Variants in HMCN2 observed in about 807,000 individuals in gnomAD.
The protein encoded by HMCN2 is hemicentin-2.
In HMCN2, 325 loss-of-function variants were observed where a neutral mutation model predicts 377.5. The observed-to-expected ratio is 0.86, with a 90% CI of 0.79 to 0.94. The LOEUF (loss-of-function observed/expected upper bound fraction) is 0.94. HMCN2 is among the 40% of genes least tolerant of loss of function. The probability of loss-of-function intolerance (pLI) is 0.00; values close to 1 mark genes in which losing one functional copy is unlikely to be tolerated. For synonymous variants in HMCN2, 2,007 were observed against 2,046.8 expected (o/e 0.98, Z 0.53); for missense variants, 4,543 against 4,725.3 (o/e 0.96, Z 1.13).
intron 25 of HMCN2, among the ~76,000 whole-genome samples, chr9:130,343,523 C>T (rs1839176987): frequency 6.6e-6 from 1 of 152,210 alleles, no homozygotes; most frequent in African/African-American, 2.4e-5. Flanking sequence ...ACCTGCCCAC[C>T]TGGCCCCCCG....
At chr9:130,343,164 C>T (rs1384503691) in intron 25 of HMCN2, among the ~76,000 whole-genome samples, 7 of 152,184 alleles carry the variant, frequency 4.6e-5, no homozygotes, top group African/African-American at 1.4e-4. Flanking sequence ...AACCCCACGG[C>T]CCCACCCAGA....
intron 54 of HMCN2, among the ~76,000 whole-genome samples, chr9:130,381,742 C>T (rs986865340): frequency 2.0e-5 from 3 of 151,822 alleles, no homozygotes; most frequent in African/African-American, 7.3e-5. Context: ...CCTACTTCTA[C>T]CCCCGCCAAC....
At position 130,369,641 on chromosome 9, in the gene HMCN2, CTG is replaced by C; in HGVS notation, c.6860_6861del (p.Leu2287ArgfsTer24). On this transcript the variant is annotated frameshift_variant, in exon 45 of 98. Coordinates refer to ENST00000683500, the MANE Select transcript of HMCN2 (RefSeq NM_001291815.2). LOFTEE classifies it high-confidence loss of function. This position sits in a 1 kb window ranked among gnomAD's most constrained non-coding sequence, Gnocchi z 4.5. ...VSVVQDGVAT[L>X]ECNATGKPPP... Reference sequence around the variant, plus strand: ...TGTGGTCCAGGATGGAGTGGCCACTCTGGAGTGCAACGCCACAGGGAAACCCC... The same window carrying C: ...TGTGGTCCAGGATGGAGTGGCCACTCGAGTGCAACGCCACAGGGAAACCCC... 3.0e-6 allele frequency: 3 copies of C among 985,906 alleles called. No individual in the cohort carries two copies. The South Asian group carries it at 1.4e-4, about 46-fold the overall frequency. 61.1% of individuals were successfully genotyped at this position (985,906 alleles called of 1,614,324 possible). A position where few individuals can be genotyped will look rare whatever the true frequency, so the allele number is the denominator to read the frequency against.
intron 39 of HMCN2, 119 bp from the exon 40 acceptor site, chr9:130,362,747 TG>T: frequency 1.3e-6 from 1 of 765,588 alleles, no homozygotes; most frequent in Non-Finnish European, 1.6e-6. Context: ...GCTCTGAGTC[TG>T]GGGCAGGCTG....
rs192976717 is a variant in HMCN2, at chr9:130,307,508, G to A, written c.2142G>A (p.Glu714=). Residue 714 remains glutamate, a synonymous_variant, in exon 14 of 98, where the codon GAG becomes GAA. Coordinates refer to ENST00000683500, the MANE Select transcript of HMCN2 (RefSeq NM_001291815.2). ...NAVVLVAVGE[E]AVLVCEASGV... ...TGGTGCTGGTGGCCGTTGGGGAGGA[G>A]GCTGTGTTGGTGTGTGAGGCATCTG... The A allele has an allele frequency of 4.2e-6, 2 of 471,202 alleles. No homozygotes were observed. Among genetic ancestry groups the A allele is most frequent in the African/African-American group, 4.0e-5 (2 of 50,184 alleles). The allele number at this position is 471,202 out of a possible 1,614,324, so 29.2% of individuals were successfully genotyped here.
In HMCN2 at chr9:130,428,325, T is replaced by A. The variant is rs1232742498; in HGVS notation, c.14066-33T>A. 2.7e-6 allele frequency: 4 copies of A among 1,504,258 alleles called. No homozygotes were observed. Among genetic ancestry groups the A allele is most frequent in the Non-Finnish European group, 1.8e-6 (2 of 1,119,954 alleles). The allele number at this position is 1,504,258 out of a possible 1,614,324, so 93.2% of individuals were successfully genotyped here. On this transcript the variant is annotated intron_variant, in intron 92 of 97. Transcript: ENST00000683500. This position sits in a 1 kb window ranked among gnomAD's most constrained non-coding sequence, Gnocchi z 5.0. Reference sequence around the variant, plus strand: ...TGGCGAGGCACGCCTGGGGATCATGTTCACACAGCCGTCTGCCCTGATCTG... The same window carrying A: ...TGGCGAGGCACGCCTGGGGATCATGATCACACAGCCGTCTGCCCTGATCTG...
intron 1 of HMCN2, among the ~76,000 whole-genome samples, chr9:130,280,224 G>A (rs1363954559): frequency 3.4e-5 from 5 of 148,442 alleles, no homozygotes; most frequent in South Asian, 2.2e-4. Flanking sequence ...GCAGTGGTGC[G>A]CGATCTCGGC....
At chr9:130,312,539 C>T (rs1217215380) in intron 15 of HMCN2, among the ~76,000 whole-genome samples, 367 of 6,642 alleles carry the variant, frequency 0.055, 54 homozygotes, top group African/African-American at 0.12. Context: ...CTCCCTCCCT[C>T]CTTTCTTTCT....
At chr9:130,376,077 TC>T in intron 51 of HMCN2, 88 bp downstream of exon 51, 1 of 376,768 alleles carries the variant, frequency 2.7e-6, no homozygotes, top group Non-Finnish European at 3.7e-6. Flanking sequence ...CCCTTGGTGC[TC>T]CAGGGAGTCT....
At chr9:130,294,659 G>A (rs1159980893) in intron 4 of HMCN2, among the ~76,000 whole-genome samples, 196 bp from the exon 5 acceptor site, 4 of 152,196 alleles carry the variant, frequency 2.6e-5, no homozygotes, top group African/African-American at 4.8e-5. Flanking sequence ...TCCTCCGAAT[G>A]CCTCAATTCA....
At position 130,391,135 on chromosome 9, in the gene HMCN2, G is replaced by A. The variant is rs1346920166; in HGVS notation, c.9667+15G>A. The A allele has an allele frequency of 3.0e-6, 3 of 987,776 alleles. No individual in the cohort carries two copies. Among genetic ancestry groups the A allele is most frequent in the East Asian group, 2.3e-4 (2 of 8,822 alleles). 61.2% of individuals were successfully genotyped at this position (987,776 alleles called of 1,614,324 possible). The stretch of plus-strand genomic sequence containing the variant: ...AGCAGTGCTGGGTAGGTCTGCGCCT[G>A]CACCCTCCTGTCCCACTCCCATGGC... On this transcript the variant is annotated intron_variant, in intron 63 of 97. Transcript: ENST00000683500.
At chr9:130,354,678 G>T (rs899095447) in intron 31 of HMCN2, 85 bp from the exon 32 acceptor site, 17 of 1,137,784 alleles carry the variant, frequency 1.5e-5, no homozygotes, top group Non-Finnish European at 1.9e-5. Context: ...GGTCGGTGAG[G>T]GGCTTCAGCG....
intron 39 of HMCN2, among the ~76,000 whole-genome samples, 163 bp from the exon 40 acceptor site, chr9:130,362,704 G>A (rs1397742002): frequency 6.6e-6 from 1 of 152,222 alleles, no homozygotes; most frequent in East Asian, 1.9e-4. Flanking sequence ...CGGAGGCCCA[G>A]ATGCAACCCT....
chr9:130,431,456 C>T lies in HMCN2; in HGVS notation c.14737C>T (p.Arg4913Cys), dbSNP rs537683501. The T allele has an allele frequency of 2.3e-4, 351 of 1,549,886 alleles. No homozygotes were observed. The highest frequency in any genetic ancestry group is 2.9e-4 in the Non-Finnish European group (334 of 1,146,836). Residue 4913 changes from arginine (R) to cysteine (C), a missense_variant, in exon 96 of 98, where the codon CGT becomes TGT. By Grantham distance (180) the Arg-to-Cys change is radical. Coordinates refer to ENST00000683500, the MANE Select transcript of HMCN2 (RefSeq NM_001291815.2). The stretch of plus-strand genomic sequence containing the variant: ...CCAGTGCCTGTGCCCCGCCGGCTAC[C>T]GTCTGCTCCCCAGCGGGAAGAACTG... ...SYQCLCPAGY[R>C]LLPSGKNCQD... is the part of the protein sequence containing the mutation.
At chr9:130,331,143 C>G (rs1406606325) in intron 22 of HMCN2, among the ~76,000 whole-genome samples, 4 of 146,012 alleles carry the variant, frequency 2.7e-5, no homozygotes, top group Admixed American at 1.4e-4. Context: ...TGCAACAGAG[C>G]AAGACTCTGT....
Position 130,408,773 on chromosome 9 carries a change from C to G in HMCN2, c.12719C>G (p.Ser4240Cys), listed in dbSNP as rs1212856421. ...EAPVLQGEAF[S>C]YLVEPVGGSI... Reference sequence around the variant, plus strand: ...CCTGTCCTACAAGGGGAGGCTTTCTCCTACCTGGTGGAACCTGTAGGAGGC... The same window carrying G: ...CCTGTCCTACAAGGGGAGGCTTTCTGCTACCTGGTGGAACCTGTAGGAGGC... The change falls in exon 84 of 98, where the codon TCC becomes TGC. Residue 4240 changes from serine to cysteine, a missense_variant. Ser to Cys is a moderately radical substitution (Grantham distance 112). Around this residue, in one of 5 missense-constraint regions of HMCN2, gnomAD observed 1,073 missense variants for 1,319.5 expected, o/e 0.81. Coordinates refer to ENST00000683500, the MANE Select transcript of HMCN2 (RefSeq NM_001291815.2). 7.8e-7 allele frequency: 1 copy of G among 1,289,322 alleles called. No individual in the cohort carries two copies. Among genetic ancestry groups the G allele is most frequent in the African/African-American group, 1.5e-5 (1 of 65,850 alleles). 79.9% of individuals were successfully genotyped at this position (1,289,322 alleles called of 1,614,324 possible). A position where few individuals can be genotyped will look rare whatever the true frequency, so the allele number is the denominator to read the frequency against.
At chr9:130,288,147 G>A (rs1376631927) in intron 4 of HMCN2, among the ~76,000 whole-genome samples, 2 of 152,144 alleles carry the variant, frequency 1.3e-5, no homozygotes, top group African/African-American at 4.8e-5. Context: ...TCCTGCCAGG[G>A]GCAAATCAGA....
chr9:130,332,021 G>A (rs1414813456), intron 22 of HMCN2, among the ~76,000 whole-genome samples: 4 of 152,202 alleles, frequency 2.6e-5, no homozygotes, highest in Non-Finnish European at 4.4e-5. Context: ...CCACTGGGCC[G>A]GCTCATTAGA....
chr9:130,322,857 G>T lies in HMCN2; in HGVS notation c.2920+926G>T, dbSNP rs1054201279. 3.8e-3 allele frequency among the ~76,000 whole-genome samples: 580 copies of T among 152,312 alleles called. 5 individuals are homozygous for T. Among genetic ancestry groups the T allele is most frequent in the South Asian group, 0.011 (53 of 4,830 alleles). On this transcript the variant is annotated intron_variant, in intron 19 of 97. Coordinates refer to ENST00000683500, the MANE Select transcript of HMCN2 (RefSeq NM_001291815.2). ...GAGACATTTCAAATTAAATTTGGTTGTATTTTGTGATTTACCAAGTATGTT... is the reference window on the plus strand; with the variant it reads ...GAGACATTTCAAATTAAATTTGGTTTTATTTTGTGATTTACCAAGTATGTT...
Sources: gnomAD v4.1 joint callset for allele counts (sites outside exome capture counted in the v4.1 genomes callset) on GRCh38, gnomAD v4.1.1 for gene constraint, gnomAD v4.1.1 regional missense constraint, Gnocchi (gnomAD v3.1) non-coding constraint, MANE v1.5 for transcripts, NCBI Gene and HGNC (gene_info 2026-07-23, HGNC 2026-07-21) for gene names.